GALNT13: variants seen among roughly 807,000 people sequenced by gnomAD.
GALNT13 encodes the protein UDP-GalNAc:polypeptide N-acetylgalactosaminyltransferase 13.
In GALNT13, 28 loss-of-function variants were observed where a neutral mutation model predicts 64.2. The observed-to-expected ratio is 0.44, with a 90% CI of 0.32 to 0.60. The LOEUF (loss-of-function observed/expected upper bound fraction) is 0.60. Among genes scored for constraint, GALNT13 ranks in the 20% least tolerant of loss-of-function variants. GALNT13 has a pLI of 0.05. For synonymous variants in GALNT13, 214 were observed against 224.6 expected (o/e 0.95, Z 0.42); for missense variants, 577 against 669.8 (o/e 0.86, Z 1.53).
At chr2:154,414,457 C>T (rs1699918680) in intron 11 of GALNT13, among the ~76,000 whole-genome samples, 1 of 151,724 alleles carries the variant, frequency 6.6e-6, no homozygotes, top group African/African-American at 2.4e-5. Context: ...CATTGATTTC[C>T]AACCACACTT....
At chr2:154,164,039 A>T (rs562737742) in intron 4 of GALNT13, among the ~76,000 whole-genome samples, 2 of 152,204 alleles carry the variant, frequency 1.3e-5, no homozygotes, top group Non-Finnish European at 2.9e-5. Flanking sequence ...ACCATTTGGC[A>T]TGCCAAATAG....
the GALNT13 span, among the ~76,000 whole-genome samples, chr2:153,652,704 G>T: frequency 3.3e-5 from 5 of 152,096 alleles, no homozygotes; most frequent in African/African-American, 7.2e-5. Context: ...AAAATAAAAT[G>T]CAAAATCTCA....
intron 3 of GALNT13, among the ~76,000 whole-genome samples, chr2:154,051,345 C>T (rs1316211617): frequency 1.4e-5 from 2 of 137,972 alleles, no homozygotes; most frequent in African/African-American, 5.5e-5. Flanking sequence ...CTGCGGACTG[C>T]AGTGGCGCAA....
the GALNT13 span, among the ~76,000 whole-genome samples, chr2:153,198,974 G>T: frequency 2.0e-5 from 3 of 148,750 alleles, no homozygotes; most frequent in African/African-American, 7.4e-5. Flanking sequence ...GAGTAGGCCT[G>T]GCAGTGCCTT....
chr2:153,196,165 C>T, the GALNT13 span, among the ~76,000 whole-genome samples: 4 of 152,326 alleles, frequency 2.6e-5, no homozygotes, highest in East Asian at 1.9e-4. Flanking sequence ...GGACTAGCAG[C>T]GCAAACCTGA....
chr2:153,383,029 C>T, the GALNT13 span, among the ~76,000 whole-genome samples: 4 of 151,950 alleles, frequency 2.6e-5, no homozygotes, highest in East Asian at 7.7e-4. Flanking sequence ...TTAAATAATT[C>T]TTTTTTAAAA....
At chr2:153,558,658 T>C in the GALNT13 span, among the ~76,000 whole-genome samples, 1 of 152,296 alleles carries the variant, frequency 6.6e-6, no homozygotes, top group African/African-American at 2.4e-5. Context: ...GATCAATTGC[T>C]TTCATTCACA....
At chr2:153,683,833 A>G in the GALNT13 span, among the ~76,000 whole-genome samples, 1 of 151,710 alleles carries the variant, frequency 6.6e-6, no homozygotes. Flanking sequence ...GTCTAGCTTC[A>G]ACAGTAAATG....
chr2:153,639,738 G>T, the GALNT13 span, among the ~76,000 whole-genome samples: 564 of 152,246 alleles, frequency 3.7e-3, 5 homozygotes, highest in African/African-American at 0.013. Context: ...ACTGATTTTA[G>T]TTAAAAAACT....
chr2:153,294,827 G>A, the GALNT13 span, among the ~76,000 whole-genome samples: 4 of 152,076 alleles, frequency 2.6e-5, no homozygotes, highest in African/African-American at 9.7e-5. Context: ...TGCAAACTCT[G>A]TCACTCATCC....
intron 3 of GALNT13, among the ~76,000 whole-genome samples, chr2:154,031,478 CAA>C (rs1367908931): frequency 6.6e-6 from 1 of 151,712 alleles, no homozygotes; most frequent in Non-Finnish European, 1.5e-5. Flanking sequence ...GATTGGGTAA[CAA>C]GAGCAAGATC....
At chr2:154,208,385 T>G (rs1687582688) in intron 4 of GALNT13, among the ~76,000 whole-genome samples, 1 of 152,178 alleles carries the variant, frequency 6.6e-6, no homozygotes, top group Non-Finnish European at 1.5e-5. Context: ...TAAAAATAAA[T>G]GTAAAATCAC....
At chr2:153,301,249 A>C in the GALNT13 span, among the ~76,000 whole-genome samples, 2 of 142,768 alleles carry the variant, frequency 1.4e-5, no homozygotes, top group African/African-American at 5.3e-5. Flanking sequence ...GACAGAGGTT[A>C]CAGTGAGCTG....
At chr2:154,352,273 CAGTTGG>C (rs1696456465) in intron 9 of GALNT13, among the ~76,000 whole-genome samples, 10 of 152,320 alleles carry the variant, frequency 6.6e-5, no homozygotes, top group Admixed American at 6.5e-4. Context: ...CATGCCACTG[CAGTTGG>C]CCTCCCATAG....
At chr2:154,013,496 A>G (rs941496539) in intron 3 of GALNT13, among the ~76,000 whole-genome samples, 29 of 152,270 alleles carry the variant, frequency 1.9e-4, no homozygotes, top group Admixed American at 5.2e-4. Context: ...GTGGCCTTGC[A>G]GTGGAGTGCT....
the GALNT13 span, among the ~76,000 whole-genome samples, chr2:153,512,721 T>C: frequency 3.9e-3 from 591 of 152,338 alleles, 1 homozygote; most frequent in Non-Finnish European, 6.5e-3. Flanking sequence ...TTAGCCATAA[T>C]GATGATAATT....
the GALNT13 span, among the ~76,000 whole-genome samples, chr2:153,344,674 G>A: frequency 6.6e-6 from 1 of 152,106 alleles, no homozygotes; most frequent in Non-Finnish European, 1.5e-5. Flanking sequence ...AAGATCAAAT[G>A]TACATCATGT....
At chr2:154,332,057 C>A (rs1695195100) in intron 9 of GALNT13, among the ~76,000 whole-genome samples, 1 of 152,072 alleles carries the variant, frequency 6.6e-6, no homozygotes, top group Admixed American at 6.6e-5. Flanking sequence ...ACATTTGAAG[C>A]TATTAGCTCT....
chr2:154,122,805 A>AT (rs1180316556), intron 3 of GALNT13, among the ~76,000 whole-genome samples: 1 of 151,956 alleles, frequency 6.6e-6, no homozygotes, highest in Non-Finnish European at 1.5e-5. Context: ...AGAACTAATG[A>AT]TTTTCTCAAA....
Sources: gnomAD v4.1 joint callset for allele counts (sites outside exome capture counted in the v4.1 genomes callset) on GRCh38, gnomAD v4.1.1 for gene constraint, MANE v1.5 for transcripts, NCBI Gene and HGNC (gene_info 2026-07-23, HGNC 2026-07-21) for gene names.